The following SYCP1 variants were observed in gnomAD, a reference collection of about 807,000 sequenced individuals.
The protein encoded by SYCP1 is synaptonemal complex protein 1.
Under a neutral mutation model 153.1 loss-of-function variants are expected in SYCP1, and 64 were observed. The observed-to-expected ratio is 0.42, with a 90% CI of 0.34 to 0.51. The LOEUF (loss-of-function observed/expected upper bound fraction) is 0.51. Ranked by LOEUF, SYCP1 falls within the 20% of genes least tolerant of loss-of-function variation. SYCP1 has a pLI of 0.06. For synonymous variants in SYCP1, 384 were observed against 341.8 expected, an observed-to-expected ratio of 1.12 and a Z score of -1.36; for missense variants, 997 against 1,049.0, an observed-to-expected ratio of 0.95 and a Z score of 0.68.
intron 27 of SYCP1, among the ~76,000 whole-genome samples, chr1:114,947,767 G>A (rs532796888): frequency 2.5e-5 from 3 of 122,212 alleles, no homozygotes; most frequent in East Asian, 5.3e-4. Context: ...AGCCGAGATC[G>A]CGCCACTGCA....
rs776694701 is a variant in SYCP1, at chr1:114,994,750, C to A, written c.2756C>A (p.Pro919Gln). ...AAAACACTGTATAGGAACAATAATC[C>A]ACCAGCTTCTCATCTTTGTGTCAAA... ...TLKTLYRNNN[P>Q]PASHLCVKTP... The change falls in exon 31 of 32, where the codon CCA (proline) becomes CAA (glutamine). Residue 919 changes from proline to glutamine, a missense_variant. Around this residue, in one of 2 missense-constraint regions of SYCP1, gnomAD observed 712 missense variants for 682.9 expected, o/e 1.04. Transcript: ENST00000369522. 1.3e-6 allele frequency: 2 copies of A among 1,591,330 alleles called. No homozygotes were observed. Among genetic ancestry groups the A allele is most frequent in the South Asian group, 2.3e-5 (2 of 85,798 alleles).
intron 15 of SYCP1, among the ~76,000 whole-genome samples, chr1:114,891,374 T>C (rs934357064): frequency 3.3e-5 from 5 of 152,200 alleles, no homozygotes; most frequent in Admixed American, 1.3e-4. Context: ...ATTTTCTACA[T>C]TGCTGCTAGA....
intron 23 of SYCP1, among the ~76,000 whole-genome samples, chr1:114,929,619 G>A (rs1224287914): frequency 6.6e-6 from 1 of 151,960 alleles, no homozygotes; most frequent in Non-Finnish European, 1.5e-5. Flanking sequence ...TTAAAGATCA[G>A]TAGGGGCATT....
intron 30 of SYCP1, among the ~76,000 whole-genome samples, chr1:114,987,780 G>A (rs1441358301): frequency 6.6e-6 from 1 of 151,812 alleles, no homozygotes; most frequent in Non-Finnish European, 1.5e-5. Context: ...TATCCTTGAG[G>A]AAGCTCAGAC....
At position 114,944,444 on chromosome 1, in the gene SYCP1, CT is replaced by C; in HGVS notation, c.2036del (p.Leu679TrpfsTer9). The C allele has an allele frequency of 6.3e-7, 1 of 1,585,632 alleles. No homozygotes were observed. Among genetic ancestry groups the C allele is most frequent in the South Asian group, 1.2e-5 (1 of 86,896 alleles). ...IEDKKISEEN[L>X]LEEVEKAKVI... ...GGACAAAAAGATATCAGAAGAAAAT[CT>C]TTTGGAAGAGGTGGGAAAAACTTAA... is the stretch of plus-strand genomic sequence containing the variant. On this transcript the variant is annotated frameshift_variant, in exon 24 of 32. Transcript: ENST00000369522. LOFTEE classifies it high-confidence loss of function.
intron 5 of SYCP1, among the ~76,000 whole-genome samples, chr1:114,858,181 A>G (rs1484777081): frequency 6.6e-6 from 1 of 152,084 alleles, no homozygotes; most frequent in Non-Finnish European, 1.5e-5. Context: ...CCTTTAGTGA[A>G]TCTTCAAACT....
chr1:114,989,021 G>A (rs1210386572), intron 30 of SYCP1, among the ~76,000 whole-genome samples: 3 of 151,838 alleles, frequency 2.0e-5, no homozygotes, highest in Admixed American at 1.3e-4. Flanking sequence ...ATGGAAATTA[G>A]TCAGGCATTG....
chr1:114,932,581 C>T (rs937259472), intron 23 of SYCP1, among the ~76,000 whole-genome samples: 30 of 152,132 alleles, frequency 2.0e-4, no homozygotes, highest in Admixed American at 1.7e-3. Flanking sequence ...GCCCACAGAG[C>T]GTGAGCTGAA....
At chr1:114,864,614 A>C (rs532594637) in intron 8 of SYCP1, among the ~76,000 whole-genome samples, 2 of 152,006 alleles carry the variant, frequency 1.3e-5, no homozygotes, top group Admixed American at 1.3e-4. Context: ...TCAGTTTCCC[A>C]AGTAGCTGGG....
chr1:114,926,569 T>TCATAA lies in SYCP1; in HGVS notation c.1926+6_1926+7insCATAA. The TCATAA allele has an allele frequency of 6.3e-7, 1 of 1,587,616 alleles. No homozygotes were observed. ...TGAATGTTTATGAGATAAAGGTATT[T>TCATAA]GGCATCTTTATTTTTGTTTTTTAAA... On this transcript the variant is annotated splice_region_variant and intron_variant, in intron 23 of 31. Coordinates refer to ENST00000369522, the MANE Select transcript of SYCP1 (RefSeq NM_003176.4).
In SYCP1 at chr1:114,940,790, C is replaced by G. The variant is rs530420796; in HGVS notation, c.1927-3549C>G. On this transcript the variant is annotated intron_variant, in intron 23 of 31. Coordinates refer to ENST00000369522, the MANE Select transcript of SYCP1 (RefSeq NM_003176.4). Reference sequence around the variant, plus strand: ...TTATGTAAAGATTACCAGTTATATTCTTTATATTTGTGTATCTTTTTTTCA... The same window carrying G: ...TTATGTAAAGATTACCAGTTATATTGTTTATATTTGTGTATCTTTTTTTCA... Among the ~76,000 whole-genome samples the G allele has an allele frequency of 5.9e-5, 9 of 151,674 alleles. No homozygotes were observed. In the East Asian group the frequency reaches 1.7e-3, roughly 29 times the overall value.
At position 114,977,571 on chromosome 1, in the gene SYCP1, A is replaced by T; in HGVS notation, c.2337A>T (p.Arg779Ser). 6.7e-7 allele frequency: 1 copy of T among 1,494,680 alleles called. No individual in the cohort carries two copies. The highest frequency in any genetic ancestry group is 9.0e-7 in the Non-Finnish European group (1 of 1,114,238). 92.6% of individuals were successfully genotyped at this position (1,494,680 alleles called of 1,614,324 possible). Residue 779 changes from arginine (R) to serine (S), a missense_variant, in exon 28 of 32, where the codon AGA becomes AGT. Coordinates refer to ENST00000369522, the MANE Select transcript of SYCP1 (RefSeq NM_003176.4). The part of the protein sequence containing the change: ...IEREEKEKLK[R>S]EAKENTATLK... Reference sequence around the variant, plus strand: ...ATTTTTAATAGGAAAAACTCAAAAGAGAGGCAAAAGAAAACACAGCTACTC... The same window carrying T: ...ATTTTTAATAGGAAAAACTCAAAAGTGAGGCAAAAGAAAACACAGCTACTC...
intron 17 of SYCP1, 51 bp from the exon 18 acceptor site, chr1:114,911,428 A>G (rs1668168753): frequency 7.0e-7 from 1 of 1,420,350 alleles, no homozygotes; most frequent in Non-Finnish European, 9.5e-7. Flanking sequence ...TACCTTTTAA[A>G]TGAGAAAATT....
chr1:114,881,122 A>G (rs1390088155), intron 12 of SYCP1, among the ~76,000 whole-genome samples: 5 of 150,480 alleles, frequency 3.3e-5, no homozygotes, highest in Non-Finnish European at 7.4e-5. Flanking sequence ...TCTGTTGATG[A>G]ACACTGGTTG....
At chr1:114,969,252 C>T (rs925360280) in intron 27 of SYCP1, among the ~76,000 whole-genome samples, 1 of 152,150 alleles carries the variant, frequency 6.6e-6, no homozygotes, top group Non-Finnish European at 1.5e-5. Context: ...CAGGCAGGAA[C>T]ATTTAAGTCT....
At chr1:114,966,689 C>CT (rs373044329) in intron 27 of SYCP1, among the ~76,000 whole-genome samples, 4,562 of 140,570 alleles carry the variant, frequency 0.032, 114 homozygotes, top group Non-Finnish European at 0.044. Context: ...TTCTTTCTTT[C>CT]TTTTTTTTTT....
At chr1:114,957,102 T>C (rs1164078929) in intron 27 of SYCP1, among the ~76,000 whole-genome samples, 2 of 150,848 alleles carry the variant, frequency 1.3e-5, no homozygotes, top group Non-Finnish European at 3.0e-5. Context: ...TTTCTCTCTC[T>C]TGCCCAGGAT....
Position 114,949,524 on chromosome 1 carries a change from T to G in SYCP1, c.2322+2204T>G, listed in dbSNP as rs938620143. 5.9e-5 allele frequency among the ~76,000 whole-genome samples: 9 copies of G among 152,180 alleles called. No homozygotes were observed. The East Asian group carries it at 7.7e-4, about 13-fold the overall frequency. On this transcript the variant is annotated intron_variant, in intron 27 of 31. Transcript: ENST00000369522. ...CAGCTAAGTTAGGAGAGGCCCTCCT[T>G]CTGCTATGTGACTTGGGTCAGCTTA...
In SYCP1 at chr1:114,947,842, A is replaced by C. The variant is rs1366765511; in HGVS notation, c.2322+522A>C. 2.3e-3 allele frequency among the ~76,000 whole-genome samples: 273 copies of C among 118,142 alleles called. 2 individuals are homozygous for C. Among genetic ancestry groups the C allele is most frequent in the African/African-American group, 8.3e-3 (259 of 31,068 alleles). 77.5% of individuals were successfully genotyped at this position (118,142 alleles called of 152,430 possible). On this transcript the variant is annotated intron_variant, in intron 27 of 31. Coordinates refer to ENST00000369522, the MANE Select transcript of SYCP1 (RefSeq NM_003176.4). Reference sequence around the variant, plus strand: ...AAAAAAAAAAAAAAAAAAAAAAAAAAGAAAAGGAACCCTTTTTTTTCTGCA... The same window carrying C: ...AAAAAAAAAAAAAAAAAAAAAAAAACGAAAAGGAACCCTTTTTTTTCTGCA...
Sources: allele counts gnomAD v4.1 joint callset (sites outside exome capture counted in the v4.1 genomes callset), GRCh38; gene constraint gnomAD v4.1.1; regional missense constraint gnomAD v4.1.1; transcripts MANE v1.5; gene names NCBI Gene and HGNC (gene_info 2026-07-23, HGNC 2026-07-21).